The following ERBIN variants were observed in gnomAD, a reference collection of about 807,000 sequenced individuals.
ERBIN encodes the protein erbb2 interacting protein.
ERBIN carries 60 observed loss-of-function variants against 158.4 expected under a neutral mutation model. The ratio of observed to expected loss-of-function variants is 0.38; its 90% CI spans 0.31 to 0.47. The LOEUF (loss-of-function observed/expected upper bound fraction) is 0.47. ERBIN is among the 20% of genes least tolerant of loss of function. The probability of loss-of-function intolerance (pLI) is 0.99; values close to 1 mark genes in which losing one functional copy is unlikely to be tolerated. For missense variants in ERBIN, 1,610 were observed against 1,648.0 expected (o/e 0.98, Z 0.40); for synonymous variants, 594 against 557.2 (o/e 1.07, Z -0.93).
chr5:66,037,175 ATGTCATATG>A (rs1225564720), intron 14 of ERBIN, among the ~76,000 whole-genome samples: 2 of 152,254 alleles, frequency 1.3e-5, no homozygotes, highest in East Asian at 3.9e-4. Flanking sequence ...AAGTATGGAA[ATGTCATATG>A]TGTTTTGTAT....
intron 4 of ERBIN, among the ~76,000 whole-genome samples, chr5:65,997,165 G>A (rs964083779): frequency 1.9e-4 from 29 of 152,142 alleles, no homozygotes; most frequent in African/African-American, 6.3e-4. Context: ...GGCAGGAATA[G>A]GCATCCTTGC....
At chr5:66,062,049 T>G (rs1274192890) in intron 21 of ERBIN, among the ~76,000 whole-genome samples, 1 of 152,178 alleles carries the variant, frequency 6.6e-6, no homozygotes, top group Non-Finnish European at 1.5e-5. Flanking sequence ...GAGGAGTATC[T>G]TTGTGGCGTT....
At chr5:66,029,627 A>G (rs950832860) in intron 14 of ERBIN, among the ~76,000 whole-genome samples, 2 of 151,460 alleles carry the variant, frequency 1.3e-5, no homozygotes, top group Non-Finnish European at 2.9e-5. Flanking sequence ...TTTTTTTGAG[A>G]CAGAGTCTCG....
intron 8 of ERBIN, 139 bp from the exon 9 acceptor site, chr5:66,023,151 A>AT (rs1209385721): frequency 4.7e-6 from 3 of 635,092 alleles, no homozygotes; most frequent in Non-Finnish European, 8.3e-6. Flanking sequence ...CTTCTTTTTT[A>AT]TTTTTCCTTC....
intron 1 of ERBIN, among the ~76,000 whole-genome samples, chr5:65,944,953 A>G (rs1745559574): frequency 6.6e-6 from 1 of 152,164 alleles, no homozygotes; most frequent in African/African-American, 2.4e-5. Context: ...AGTCTTTTTA[A>G]GAAATCAAAA....
intron 10 of ERBIN, among the ~76,000 whole-genome samples, chr5:66,025,018 T>C (rs1756085427): frequency 6.6e-6 from 1 of 152,186 alleles, no homozygotes; most frequent in Non-Finnish European, 1.5e-5. Flanking sequence ...ATTCTACTCT[T>C]AGTCAACACT....
At chr5:66,018,227 G>A (rs1755003790) in intron 7 of ERBIN, among the ~76,000 whole-genome samples, 1 of 150,264 alleles carries the variant, frequency 6.7e-6, no homozygotes, top group African/African-American at 2.4e-5. Context: ...TCAGTGTTTT[G>A]ATAGGGATGA....
At chr5:65,986,164 A>C (rs1751207839) in intron 1 of ERBIN, among the ~76,000 whole-genome samples, 1 of 152,216 alleles carries the variant, frequency 6.6e-6, no homozygotes, top group African/African-American at 2.4e-5. Context: ...TTTCAGATTT[A>C]TATCCACAGC....
intron 1 of ERBIN, among the ~76,000 whole-genome samples, chr5:65,939,053 C>CCCG (rs1317224438): frequency 1.3e-5 from 2 of 152,088 alleles, no homozygotes; most frequent in African/African-American, 4.8e-5. Flanking sequence ...ATAGAGCTGG[C>CCCG]CCGCTTTATC....
intron 4 of ERBIN, among the ~76,000 whole-genome samples, chr5:66,002,564 G>A (rs1236235375): frequency 6.6e-6 from 1 of 152,188 alleles, no homozygotes; most frequent in African/African-American, 2.4e-5. Context: ...AGAAAGAGTA[G>A]CTCAGATCCT....
At position 65,975,278 on chromosome 5, in the gene ERBIN, G is replaced by T. The variant is rs371930479; in HGVS notation, c.-57-13357G>T. Among the ~76,000 whole-genome samples, 223 of 152,134 alleles carry T rather than the reference G, an allele frequency of 1.5e-3. 1 individual carries two copies. Among genetic ancestry groups the T allele is most frequent in the African/African-American group, 4.7e-3 (195 of 41,504 alleles). On this transcript the variant is annotated intron_variant, in intron 1 of 25. Coordinates refer to ENST00000284037, the MANE Select transcript of ERBIN (RefSeq NM_001253697.2). ...CTGCCTCGGCCTCCCAAAGTGCTGG[G>T]ATTACATGCGTGAGCCACCACATCC... is the stretch of plus-strand genomic sequence containing the variant.
At chr5:65,931,308 T>G (rs1743347524) in intron 1 of ERBIN, among the ~76,000 whole-genome samples, 1 of 152,208 alleles carries the variant, frequency 6.6e-6, no homozygotes, top group Non-Finnish European at 1.5e-5. Context: ...GTTTACAGCA[T>G]TGTGAAGTTA....
intron 1 of ERBIN, among the ~76,000 whole-genome samples, chr5:65,963,148 C>CT (rs1437831164): frequency 6.6e-6 from 1 of 152,030 alleles, no homozygotes; most frequent in Non-Finnish European, 1.5e-5. Flanking sequence ...TTTAGAATAG[C>CT]TTTTTATTGC....
In ERBIN at chr5:66,078,541, C is replaced by CA. The variant is rs753409042; in HGVS notation, c.*18dup. The CA allele has an allele frequency of 8.4e-5, 129 of 1,542,080 alleles. 1 individual carries two copies. Among genetic ancestry groups the CA allele is most frequent in the South Asian group, 7.5e-4 (66 of 87,726 alleles). The stretch of plus-strand genomic sequence containing the variant: ...GAAGTTTCCTCATAAGCACTGTGGA[C>CA]AAAAAAAGCGGGGAAGACAGCAAGA... On this transcript the variant is annotated 3_prime_UTR_variant, in exon 26 of 26. Transcript: ENST00000284037.
chr5:66,073,870 CTG>C (rs1761740751), intron 22 of ERBIN, among the ~76,000 whole-genome samples: 2 of 151,876 alleles, frequency 1.3e-5, no homozygotes, highest in South Asian at 4.2e-4. Context: ...TGTAATATGA[CTG>C]TAACCTCTTT....
At chr5:66,071,885 AAAT>A (rs1761564058) in intron 21 of ERBIN, among the ~76,000 whole-genome samples, 1 of 152,194 alleles carries the variant, frequency 6.6e-6, no homozygotes, top group South Asian at 2.1e-4. Flanking sequence ...TAAAAGGAAA[AAAT>A]AACATGCAAA....
chr5:65,966,835 T>G (rs1042993499), intron 1 of ERBIN, among the ~76,000 whole-genome samples: 3 of 151,882 alleles, frequency 2.0e-5, no homozygotes, highest in African/African-American at 7.3e-5. Flanking sequence ...AGACAAGATA[T>G]GGAGGTGGAA....
chr5:65,947,980 A>G (rs1024083807), intron 1 of ERBIN, among the ~76,000 whole-genome samples: 1 of 150,080 alleles, frequency 6.7e-6, no homozygotes, highest in African/African-American at 2.4e-5. Flanking sequence ...ATTCCACTCC[A>G]GCCTGGGCAA....
At chr5:65,958,552 G>A (rs1288359037) in intron 1 of ERBIN, among the ~76,000 whole-genome samples, 2 of 151,788 alleles carry the variant, frequency 1.3e-5, no homozygotes, top group Non-Finnish European at 1.5e-5. Context: ...GGAGGTTGCA[G>A]TGAGCAGAAA....
Sources: gnomAD v4.1 joint callset for allele counts (sites outside exome capture counted in the v4.1 genomes callset) on GRCh38, gnomAD v4.1.1 for gene constraint, MANE v1.5 for transcripts, NCBI Gene and HGNC (gene_info 2026-07-23, HGNC 2026-07-21) for gene names.